Variants in STXBP5 observed in about 807,000 individuals in gnomAD.
STXBP5 encodes the protein syntaxin binding protein 5, also known as syntaxin-binding protein 5.
A neutral mutation model predicts 152.4 loss-of-function variants in STXBP5; 50 were observed. That is an observed-to-expected ratio of 0.33 (90% CI 0.26 to 0.42). The LOEUF is 0.42. Ranked by LOEUF, STXBP5 falls within the 10% of genes least tolerant of loss-of-function variation. The pLI, the probability that STXBP5 is intolerant of heterozygous loss-of-function variation, is 1.00. For missense variants in STXBP5, 1,167 were observed against 1,388.6 expected (o/e 0.84, Z 2.54); for synonymous variants, 492 against 494.7 (o/e 0.99, Z 0.07).
chr6:147,274,301 C>T (rs900082592), intron 7 of STXBP5, among the ~76,000 whole-genome samples: 2 of 152,040 alleles, frequency 1.3e-5, no homozygotes, highest in African/African-American at 4.8e-5. Flanking sequence ...TACTCTGTTG[C>T]CCAGGCTGGA....
At chr6:147,272,197 A>G (rs1310892540) in intron 7 of STXBP5, among the ~76,000 whole-genome samples, 8 of 152,116 alleles carry the variant, frequency 5.3e-5, no homozygotes, top group African/African-American at 4.8e-5. Context: ...TACCTGTTGT[A>G]CTTAGACTCT....
rs1782538681 is a variant in STXBP5 at position 147,314,415 on chromosome 6, A to G, written c.1361+84A>G. 13 of 1,348,836 alleles carry G rather than the reference A, an allele frequency of 9.6e-6. No individual in the cohort carries two copies. In the South Asian group the frequency reaches 1.3e-4, roughly 13 times the overall value. The allele number at this position is 1,348,836 out of a possible 1,614,324, so 83.6% of individuals were successfully genotyped here. ...GACTACATGAATGTTAACTTACTGG[A>G]CAGGTAGAGCTTTCCTTTATGTCGT... is the stretch of plus-strand genomic sequence containing the variant. On this transcript the variant is annotated intron_variant, in intron 13 of 27. Transcript: ENST00000321680.
chr6:147,368,218 A>G (rs1363918651), intron 25 of STXBP5, among the ~76,000 whole-genome samples: 1 of 151,946 alleles, frequency 6.6e-6, no homozygotes, highest in Non-Finnish European at 1.5e-5. Context: ...AAAACTACCT[A>G]TAAACCAATA....
At chr6:147,272,237 T>C (rs905956024) in intron 7 of STXBP5, among the ~76,000 whole-genome samples, 11 of 152,160 alleles carry the variant, frequency 7.2e-5, no homozygotes, top group African/African-American at 1.7e-4. Flanking sequence ...GGGCACACTT[T>C]GCAACTCACT....
At chr6:147,250,225 A>G (rs1234740279) in intron 4 of STXBP5, among the ~76,000 whole-genome samples, 2 of 152,202 alleles carry the variant, frequency 1.3e-5, no homozygotes, top group Non-Finnish European at 2.9e-5. Context: ...CTGGTCTTGA[A>G]TCCTAAGAAA....
intron 14 of STXBP5, 76 bp from the exon 15 acceptor site, chr6:147,315,439 G>A: frequency 1.0e-6 from 1 of 975,206 alleles, no homozygotes; most frequent in Non-Finnish European, 1.5e-6. Flanking sequence ...TCTATACATA[G>A]TATGAGTGAT....
chr6:147,336,612 T>C (rs1783837021), intron 19 of STXBP5, among the ~76,000 whole-genome samples: 1 of 152,078 alleles, frequency 6.6e-6, no homozygotes, highest in African/African-American at 2.4e-5. Flanking sequence ...CCTCAAATAG[T>C]TTCCACAATG....
In STXBP5 at chr6:147,364,003, T is replaced by C; in HGVS notation, c.2918T>C (p.Leu973Ser). ...AAGTTTTTAATTTTTTTCTCAAGTTTGCCAAGTTTAAGACCTCTGTTGGAT... is the reference window on the plus strand; with the variant it reads ...AAGTTTTTAATTTTTTTCTCAAGTTCGCCAAGTTTAAGACCTCTGTTGGAT... The part of the protein sequence containing the change: ...CANGHIMTFS[L>S]PSLRPLLDVY... Residue 973 changes from leucine to serine, a missense_variant and splice_region_variant, in exon 25 of 28, where the codon TTG (leucine) becomes TCG (serine). By Grantham distance (145) the Leu-to-Ser change is moderately radical. Transcript: ENST00000321680. 2 of 1,610,058 alleles carry C rather than the reference T, an allele frequency of 1.2e-6. No homozygotes were observed. The highest frequency in any genetic ancestry group is 1.7e-6 in the Non-Finnish European group (2 of 1,179,084).
At chr6:147,294,317 A>G (rs1238485944) in intron 9 of STXBP5, among the ~76,000 whole-genome samples, 4 of 151,922 alleles carry the variant, frequency 2.6e-5, no homozygotes, top group African/African-American at 9.7e-5. Flanking sequence ...GGCAAACCAA[A>G]TAAGCCTTCT....
At chr6:147,242,002 T>TA (rs1778568936) in intron 4 of STXBP5, among the ~76,000 whole-genome samples, 1 of 152,038 alleles carries the variant, frequency 6.6e-6, no homozygotes, top group Non-Finnish European at 1.5e-5. Flanking sequence ...GGCAGGTCCT[T>TA]CAGGAAATAT....
At chr6:147,212,489 T>A (rs935409692) in intron 2 of STXBP5, among the ~76,000 whole-genome samples, 2 of 152,210 alleles carry the variant, frequency 1.3e-5, no homozygotes, top group Non-Finnish European at 2.9e-5. Context: ...AAAATCTCTG[T>A]GCTTCAGTTT....
rs1562274977 is a variant in STXBP5 at position 147,372,406 on chromosome 6, CCT to C, written c.3082-1324_3082-1323del. Among the ~76,000 whole-genome samples, 37 of 39,108 alleles carry C rather than the reference CCT, an allele frequency of 9.5e-4. 15 individuals are homozygous for C. Among genetic ancestry groups the C allele is most frequent in the South Asian group, 5.1e-3 (4 of 786 alleles). 25.7% of individuals were successfully genotyped at this position (39,108 alleles called of 152,430 possible). A position where few individuals can be genotyped will look rare whatever the true frequency, so the allele number is the denominator to read the frequency against. ...ATATAAATGTTACTACCGTCCTTTT[CCT>C]TTTTTTTTTTTTTTTTTTTTTTTTT... is the stretch of plus-strand genomic sequence containing the variant. On this transcript the variant is annotated intron_variant, in intron 25 of 27. Coordinates refer to ENST00000321680, the MANE Select transcript of STXBP5 (RefSeq NM_001127715.4).
chr6:147,323,683 C>T (rs1271057933), intron 16 of STXBP5, among the ~76,000 whole-genome samples: 2 of 152,204 alleles, frequency 1.3e-5, no homozygotes, highest in South Asian at 2.1e-4. Context: ...TGAGCCACTG[C>T]ACCCAGCCTG....
chr6:147,250,200 A>C (rs1779013623), intron 4 of STXBP5, among the ~76,000 whole-genome samples: 1 of 152,228 alleles, frequency 6.6e-6, no homozygotes, highest in African/African-American at 2.4e-5. Flanking sequence ...GCTTAGACCC[A>C]CAGAGAATTA....
chr6:147,272,917 G>A (rs186602775), intron 7 of STXBP5, among the ~76,000 whole-genome samples: 16 of 151,906 alleles, frequency 1.1e-4, no homozygotes, highest in African/African-American at 3.4e-4. Context: ...CTCTCCCCTG[G>A]TTGTGTCTCA....
chr6:147,356,532 A>G (rs1189711818), intron 22 of STXBP5, among the ~76,000 whole-genome samples: 1 of 151,842 alleles, frequency 6.6e-6, no homozygotes, highest in African/African-American at 2.4e-5. Context: ...TATAGTAAGT[A>G]GTTCTTTTCT....
Position 147,384,635 on chromosome 6 carries a change from G to A in STXBP5, c.3415-79G>A, listed in dbSNP as rs534197710. The A allele has an allele frequency of 4.2e-6, 6 of 1,436,082 alleles. No homozygotes were observed. In the Admixed American group the frequency reaches 1.1e-4, roughly 25 times the overall value. 89.0% of individuals were successfully genotyped at this position (1,436,082 alleles called of 1,614,324 possible). ...ATATTGCAGAATGACATAATGTTTT[G>A]GAAAAATATAGAAATCACTTATAAA... On this transcript the variant is annotated intron_variant, in intron 27 of 27. Coordinates refer to ENST00000321680, the MANE Select transcript of STXBP5 (RefSeq NM_001127715.4).
intron 4 of STXBP5, among the ~76,000 whole-genome samples, chr6:147,260,319 A>G (rs914471113): frequency 3.4e-5 from 5 of 147,574 alleles, no homozygotes; most frequent in Non-Finnish European, 7.4e-5. Flanking sequence ...CTAAAGGGTA[A>G]ATGTGTGGTA....
At chr6:147,309,665 G>A (rs746288010) in intron 9 of STXBP5, among the ~76,000 whole-genome samples, 3 of 151,894 alleles carry the variant, frequency 2.0e-5, no homozygotes, top group East Asian at 1.9e-4. Context: ...TTCTTGATGC[G>A]TTCTTGAGAA....
Sources: allele counts gnomAD v4.1 joint callset (sites outside exome capture counted in the v4.1 genomes callset), GRCh38; gene constraint gnomAD v4.1.1; transcripts MANE v1.5; gene names NCBI Gene and HGNC (gene_info 2026-07-23, HGNC 2026-07-21).